CNTNAP3B: variants seen among roughly 807,000 people sequenced by gnomAD.
CNTNAP3B encodes contactin associated protein family member 3B, also known as contactin-associated protein-like 3B.
In CNTNAP3B, 25 loss-of-function variants were observed where a neutral mutation model predicts 108.9. The ratio of observed to expected loss-of-function variants is 0.23; its 90% CI spans 0.17 to 0.32. The LOEUF (loss-of-function observed/expected upper bound fraction) is 0.32, where lower values mean the gene tolerates loss of function less well. Among genes scored for constraint, CNTNAP3B ranks in the 10% least tolerant of loss-of-function variants. CNTNAP3B has a pLI of 1.00. For missense variants in CNTNAP3B, 252 were observed against 1,210.4 expected, an observed-to-expected ratio of 0.21 and a Z score of 11.75; for synonymous variants, 103 against 473.4, an observed-to-expected ratio of 0.22 and a Z score of 10.16.
chr9:41,954,715 G>A (rs1392664069), intron 12 of CNTNAP3B, among the ~76,000 whole-genome samples: 7 of 152,152 alleles, frequency 4.6e-5, no homozygotes, highest in African/African-American at 7.2e-5. Flanking sequence ...TAAGAGTCTC[G>A]CTCTGTTGCC....
At chr9:41,937,179 G>A (rs1175121634) in intron 14 of CNTNAP3B, among the ~76,000 whole-genome samples, 12 of 149,174 alleles carry the variant, frequency 8.0e-5, no homozygotes, top group South Asian at 4.2e-4. Flanking sequence ...CCAGGCTGGA[G>A]TGCAGTGGCG....
intron 2 of CNTNAP3B, among the ~76,000 whole-genome samples, chr9:42,088,317 C>T (rs1306740863): frequency 8.1e-6 from 1 of 124,218 alleles, no homozygotes; most frequent in South Asian, 2.7e-4. Context: ...TAAGTTATGC[C>T]TCAATTTCAA....
At chr9:42,002,846 A>G (rs1319309475) in intron 4 of CNTNAP3B, among the ~76,000 whole-genome samples, 1 of 135,390 alleles carries the variant, frequency 7.4e-6, no homozygotes, top group African/African-American at 3.0e-5. Context: ...AGTAATTTTG[A>G]GTTGCTATTT....
In CNTNAP3B at chr9:42,057,048, T is replaced by C. The variant is rs1476163832; in HGVS notation, c.390+19821A>G. Reference sequence around the variant, plus strand: ...TATTAATTTTTTCCTGAGGGATACCTAGCTTCCCCAGTACCATTTATTAAT... The same window carrying C: ...TATTAATTTTTTCCTGAGGGATACCCAGCTTCCCCAGTACCATTTATTAAT... On this transcript the variant is annotated intron_variant, in intron 3 of 23. Transcript: ENST00000377561. 1.5e-4 allele frequency among the ~76,000 whole-genome samples: 3 copies of C among 19,484 alleles called. 1 individual carries two copies. In the South Asian group the frequency reaches 4.1e-3, roughly 27 times the overall value. 12.8% of individuals were successfully genotyped at this position (19,484 alleles called of 152,430 possible).
intron 18 of CNTNAP3B, among the ~76,000 whole-genome samples, chr9:41,916,435 G>A (rs1399272369): frequency 6.6e-6 from 1 of 151,688 alleles, no homozygotes; most frequent in Non-Finnish European, 1.5e-5. Context: ...TGTTTTTTGT[G>A]TGTAGATTCA....
chr9:42,021,773 G>T (rs538393760), intron 3 of CNTNAP3B, among the ~76,000 whole-genome samples: 1 of 129,888 alleles, frequency 7.7e-6, no homozygotes, highest in Non-Finnish European at 1.6e-5. Flanking sequence ...ACAACATGAG[G>T]CACATGGAAG....
intron 12 of CNTNAP3B, among the ~76,000 whole-genome samples, chr9:41,959,623 T>C (rs1351229694): frequency 3.3e-5 from 5 of 152,428 alleles, no homozygotes; most frequent in Middle Eastern, 6.8e-3. Context: ...GTAATTGGTA[T>C]CTTATGGCAG....
intron 13 of CNTNAP3B, among the ~76,000 whole-genome samples, chr9:41,943,868 C>A (rs1310928067): frequency 6.6e-6 from 1 of 152,276 alleles, no homozygotes; most frequent in East Asian, 1.9e-4. Flanking sequence ...ATCTCATATT[C>A]AAATTGCAAA....
chr9:41,990,533 CACA>C (rs1825786869), intron 8 of CNTNAP3B, among the ~76,000 whole-genome samples: 1 of 124,088 alleles, frequency 8.1e-6, no homozygotes, highest in Non-Finnish European at 1.7e-5. Context: ...GCTTTCGTAC[CACA>C]ACATTTAATA....
chr9:41,921,096 C>T (rs1459345732), intron 17 of CNTNAP3B, among the ~76,000 whole-genome samples: 2 of 152,422 alleles, frequency 1.3e-5, no homozygotes, highest in South Asian at 2.1e-4. Flanking sequence ...GATTCCAATT[C>T]GGTGGGCCTA....
chr9:41,977,911 G>T lies in CNTNAP3B; in HGVS notation c.1478-7666C>A, dbSNP rs532371715. 3.0e-3 allele frequency among the ~76,000 whole-genome samples: 431 copies of T among 142,478 alleles called. 1 individual carries two copies. Among genetic ancestry groups the T allele is most frequent in the Middle Eastern group, 0.014 (4 of 288 alleles). The allele number at this position is 142,478 out of a possible 152,430, so 93.5% of individuals were successfully genotyped here. ...CTCCCAAAGTGCTGGGATTACAGGC[G>T]TGAGCCACTGTGCCTGGCCGAATTT... On this transcript the variant is annotated intron_variant, in intron 9 of 23. Coordinates refer to ENST00000377561, the MANE Select transcript of CNTNAP3B (RefSeq NM_001201380.3).
At chr9:41,948,033 T>TG (rs1554741494) in intron 13 of CNTNAP3B, among the ~76,000 whole-genome samples, 3 of 47,652 alleles carry the variant, frequency 6.3e-5, no homozygotes, top group African/African-American at 1.7e-4. Context: ...TTAAAATTAC[T>TG]GAAAAAAAAT....
chr9:42,090,600 AAT>A (rs1177063563), intron 2 of CNTNAP3B, among the ~76,000 whole-genome samples: 6 of 133,442 alleles, frequency 4.5e-5, no homozygotes, highest in African/African-American at 1.8e-4. Flanking sequence ...TATATACTGA[AAT>A]ATATATGTAT....
At chr9:42,058,283 A>T (rs1438539556) in intron 3 of CNTNAP3B, among the ~76,000 whole-genome samples, 3 of 152,214 alleles carry the variant, frequency 2.0e-5, no homozygotes, top group Non-Finnish European at 2.9e-5. Context: ...TTTTGAGGAA[A>T]CTCCCCACTG....
At chr9:42,035,844 T>A (rs1228908241) in intron 3 of CNTNAP3B, among the ~76,000 whole-genome samples, 1 of 145,814 alleles carries the variant, frequency 6.9e-6, no homozygotes, top group Admixed American at 6.8e-5. Context: ...TTTGTTGTTG[T>A]TCTTGAGATG....
rs1181332354 is a variant in CNTNAP3B at position 41,944,666 on chromosome 9, A to T, written c.2081-6266T>A. Among the ~76,000 whole-genome samples the T allele has an allele frequency of 2.6e-5, 4 of 151,754 alleles. No homozygotes were observed. In the East Asian group the frequency reaches 5.9e-4, roughly 22 times the overall value. ...GGGCAACAAATAAAAAAGAGTTACAATATGGCAAATATTAATCCAAGTATC... is the reference window on the plus strand; with the variant it reads ...GGGCAACAAATAAAAAAGAGTTACATTATGGCAAATATTAATCCAAGTATC... On this transcript the variant is annotated intron_variant, in intron 13 of 23. Coordinates refer to ENST00000377561, the MANE Select transcript of CNTNAP3B (RefSeq NM_001201380.3).
In CNTNAP3B at chr9:41,986,209, A is replaced by T. The variant is rs1451249440; in HGVS notation, c.1436T>A (p.Val479Glu). Residue 479 changes from valine (V) to glutamate (E), a missense_variant, in exon 9 of 24, where the codon GTG becomes GAG. Transcript: ENST00000377561. ...VDDDTAVQPL[V>E]AVLIDSGDTY... ...GTCACCTGAATCAATGAGCACAGCCACCAGGGGCTGAACAGCTGTGTCATC... is the reference window on the plus strand; with the variant it reads ...GTCACCTGAATCAATGAGCACAGCCTCCAGGGGCTGAACAGCTGTGTCATC... The T allele has an allele frequency of 9.0e-7, 1 of 1,109,088 alleles. No individual in the cohort carries two copies. Among genetic ancestry groups the T allele is most frequent in the Non-Finnish European group, 1.2e-6 (1 of 825,582 alleles). 68.7% of individuals were successfully genotyped at this position (1,109,088 alleles called of 1,614,324 possible).
intron 14 of CNTNAP3B, among the ~76,000 whole-genome samples, chr9:41,931,005 A>T (rs1253478740): frequency 6.6e-6 from 1 of 152,294 alleles, no homozygotes; most frequent in African/African-American, 2.4e-5. Flanking sequence ...TGATTTACAG[A>T]CAAAACACTC....
At chr9:42,056,721 C>G (rs1379923712) in intron 3 of CNTNAP3B, among the ~76,000 whole-genome samples, 1 of 132,280 alleles carries the variant, frequency 7.6e-6, no homozygotes, top group Non-Finnish European at 1.6e-5. Context: ...TTTTACATTG[C>G]TTTTCTTAAT....
Sources: allele counts gnomAD v4.1 joint callset (sites outside exome capture counted in the v4.1 genomes callset), GRCh38; gene constraint gnomAD v4.1.1; transcripts MANE v1.5; gene names NCBI Gene and HGNC (gene_info 2026-07-23, HGNC 2026-07-21).